Variants in SORCS2 observed in about 807,000 individuals in gnomAD.
SORCS2 encodes sortilin related VPS10 domain containing receptor 2, also known as VPS10 domain-containing receptor SorCS2.
SORCS2 carries 100 observed loss-of-function variants against 141.6 expected under a neutral mutation model. The ratio of observed to expected loss-of-function variants is 0.71; its 90% CI spans 0.60 to 0.83. The LOEUF (loss-of-function observed/expected upper bound fraction) is 0.83. Ranked by LOEUF, SORCS2 falls within the 40% of genes least tolerant of loss-of-function variation. SORCS2 has a pLI of 0.00. For missense variants in SORCS2, 1,646 were observed against 1,560.2 expected (o/e 1.05, Z -0.93); for synonymous variants, 789 against 676.9 (o/e 1.17, Z -2.57).
chr4:7,236,022 C>A (rs1186172030), intron 1 of SORCS2, among the ~76,000 whole-genome samples: 1 of 152,178 alleles, frequency 6.6e-6, no homozygotes, highest in Admixed American at 6.5e-5. Flanking sequence ...AAAATCCCTG[C>A]CTGCTGGCAT....
intron 18 of SORCS2, among the ~76,000 whole-genome samples, chr4:7,720,894 G>A (rs75446431): frequency 0.042 from 6,424 of 152,306 alleles, 203 homozygotes; most frequent in African/African-American, 0.074. Flanking sequence ...TGGGGAGACT[G>A]GAGAATGCCA....
intron 3 of SORCS2, among the ~76,000 whole-genome samples, chr4:7,543,766 ATCCG>A (rs1712953788): frequency 5.2e-5 from 5 of 96,916 alleles, no homozygotes; most frequent in African/African-American, 1.3e-4. Flanking sequence ...CCACCCACCC[ATCCG>A]TCCATCCATC....
intron 3 of SORCS2, among the ~76,000 whole-genome samples, chr4:7,610,431 C>T (rs1718331794): frequency 1.3e-5 from 2 of 152,304 alleles, no homozygotes; most frequent in Admixed American, 6.5e-5. Context: ...TGCATACCTC[C>T]ACTGTCACTC....
chr4:7,410,028 T>C (rs908223520), intron 2 of SORCS2, among the ~76,000 whole-genome samples: 1 of 152,252 alleles, frequency 6.6e-6, no homozygotes, highest in Non-Finnish European at 1.5e-5. Flanking sequence ...CTCACTGATA[T>C]AAAGAAGCAT....
At chr4:7,418,883 G>A (rs1382737920) in intron 2 of SORCS2, among the ~76,000 whole-genome samples, 1 of 152,236 alleles carries the variant, frequency 6.6e-6, no homozygotes, top group Non-Finnish European at 1.5e-5. Context: ...GGCTTGGCTG[G>A]CCTTTGCCTG....
chr4:7,685,283 C>T (rs555106125), intron 10 of SORCS2, among the ~76,000 whole-genome samples: 1 of 152,250 alleles, frequency 6.6e-6, no homozygotes, highest in South Asian at 2.1e-4. Context: ...AACTGGTGAG[C>T]GTGTGGCCTC....
chr4:7,505,510 C>T (rs1008355828), intron 2 of SORCS2, among the ~76,000 whole-genome samples: 18 of 152,138 alleles, frequency 1.2e-4, no homozygotes, highest in Admixed American at 1.2e-3. Flanking sequence ...CTGGGGGTCC[C>T]CCAGTGAGTC....
At chr4:7,708,968 CT>C (rs1453435493) in intron 14 of SORCS2, among the ~76,000 whole-genome samples, 1 of 152,198 alleles carries the variant, frequency 6.6e-6, no homozygotes, top group African/African-American at 2.4e-5. Context: ...GCATAAAATC[CT>C]TCATGACTTT....
intron 1 of SORCS2, among the ~76,000 whole-genome samples, chr4:7,299,243 G>A (rs1377934325): frequency 5.3e-5 from 8 of 152,268 alleles, no homozygotes; most frequent in Non-Finnish European, 1.0e-4. Context: ...GAGGCTGTGA[G>A]CGGGTGTGGA....
At chr4:7,308,872 C>G (rs949151256) in intron 1 of SORCS2, among the ~76,000 whole-genome samples, 1 of 152,200 alleles carries the variant, frequency 6.6e-6, no homozygotes, top group Non-Finnish European at 1.5e-5. Flanking sequence ...ACAGACCCTG[C>G]CCGTGCACAG....
chr4:7,516,418 G>A (rs1234488605), intron 2 of SORCS2, among the ~76,000 whole-genome samples: 1 of 152,124 alleles, frequency 6.6e-6, no homozygotes, highest in East Asian at 1.9e-4. Flanking sequence ...GAAGGTGCTG[G>A]GACCCTGCAG....
At position 7,689,592 on chromosome 4, in the gene SORCS2, G is replaced by A. The variant is rs761664442; in HGVS notation, c.1591+4G>A. The A allele has an allele frequency of 6.3e-7, 1 of 1,577,328 alleles. No individual in the cohort carries two copies. The highest frequency in any genetic ancestry group is 1.4e-5 in the African/African-American group (1 of 73,996). Reference sequence around the variant, plus strand: ...CCAGGCCTCATCATGGGTGCAGGTAGGTGGCTTCCATCACAGGTGGCTGGC... The same window carrying A: ...CCAGGCCTCATCATGGGTGCAGGTAAGTGGCTTCCATCACAGGTGGCTGGC... On this transcript the variant is annotated splice_donor_region_variant and intron_variant, in intron 11 of 26. Coordinates refer to ENST00000507866, the MANE Select transcript of SORCS2 (RefSeq NM_020777.3).
At chr4:7,511,235 A>G (rs573737747) in intron 2 of SORCS2, among the ~76,000 whole-genome samples, 1 of 152,110 alleles carries the variant, frequency 6.6e-6, no homozygotes, top group South Asian at 2.1e-4. Context: ...ATGGAGAAGT[A>G]CAGGGACAGA....
intron 1 of SORCS2, among the ~76,000 whole-genome samples, chr4:7,196,405 C>T (rs903639040): frequency 3.3e-5 from 5 of 152,084 alleles, no homozygotes; most frequent in Admixed American, 1.3e-4. Flanking sequence ...TGCTGTGCCC[C>T]GTCCTGTTCT....
chr4:7,602,051 G>A (rs912711921), intron 3 of SORCS2, among the ~76,000 whole-genome samples: 1 of 152,210 alleles, frequency 6.6e-6, no homozygotes, highest in African/African-American at 2.4e-5. Context: ...ACAAAATGGA[G>A]TCTCCCATGT....
intron 8 of SORCS2, among the ~76,000 whole-genome samples, chr4:7,671,263 A>AT (rs2108939316): frequency 6.6e-6 from 1 of 152,344 alleles, no homozygotes; most frequent in African/African-American, 2.4e-5. Flanking sequence ...CTAACTGGAC[A>AT]TTAGACTCAA....
At chr4:7,199,383 G>C (rs1560106551) in intron 1 of SORCS2, among the ~76,000 whole-genome samples, 1 of 152,190 alleles carries the variant, frequency 6.6e-6, no homozygotes, top group Non-Finnish European at 1.5e-5. Context: ...TGGGCCACAG[G>C]TGGAGGAGGA....
chr4:7,207,796 A>G (rs1727834230), intron 1 of SORCS2, among the ~76,000 whole-genome samples: 1 of 151,880 alleles, frequency 6.6e-6, no homozygotes, highest in Non-Finnish European at 1.5e-5. Context: ...ACATTCAGCG[A>G]CTCCAGTTTA....
chr4:7,365,586 G>A (rs1176677616), intron 1 of SORCS2, among the ~76,000 whole-genome samples: 6 of 149,068 alleles, frequency 4.0e-5, no homozygotes, highest in Non-Finnish European at 9.1e-5. Flanking sequence ...GTGTAAAACA[G>A]AGACACGTGG....
Sources: allele counts gnomAD v4.1 joint callset (sites outside exome capture counted in the v4.1 genomes callset), GRCh38; gene constraint gnomAD v4.1.1; transcripts MANE v1.5; gene names NCBI Gene and HGNC (gene_info 2026-07-23, HGNC 2026-07-21).